Variants in NBL1 observed in about 807,000 individuals in gnomAD.
The protein encoded by NBL1 is NBL1, DAN family BMP antagonist.
In NBL1, 9 loss-of-function variants were observed where a neutral mutation model predicts 16.0. The observed-to-expected ratio is 0.56, with a 90% CI of 0.34 to 0.98. The LOEUF (loss-of-function observed/expected upper bound fraction) is 0.98. Ranked by LOEUF, NBL1 falls within the 50% of genes least tolerant of loss-of-function variation. The pLI is 0.02. For synonymous variants in NBL1, 86 were observed against 100.7 expected (o/e 0.85, Z 0.87); for missense variants, 196 against 243.1 (o/e 0.81, Z 1.29).
At position 19,657,131 on chromosome 1, in the gene NBL1, G is replaced by GC. The variant is rs562920305; in HGVS notation, c.*9dup. On this transcript the variant is annotated 3_prime_UTR_variant, in exon 4 of 4. Coordinates refer to ENST00000375136, the MANE Select transcript of NBL1 (RefSeq NM_005380.8). ...GAGGAAGAGGGGGCTGAGGACTGAGGCCCCCCCAACTCTTCCTCCCCTCTC... is the reference window on the plus strand; with the variant it reads ...GAGGAAGAGGGGGCTGAGGACTGAGGCCCCCCCCAACTCTTCCTCCCCTCTC... 75 of 1,370,340 alleles carry GC rather than the reference G, an allele frequency of 5.5e-5. No individual in the cohort carries two copies. The highest frequency in any genetic ancestry group is 2.3e-4 in the African/African-American group (16 of 68,840). 84.9% of individuals were successfully genotyped at this position (1,370,340 alleles called of 1,614,324 possible).
chr1:19,655,364 A>G lies in NBL1; in HGVS notation c.211A>G (p.Thr71Ala), dbSNP rs1283979163. The G allele has an allele frequency of 6.2e-7, 1 of 1,613,690 alleles. No homozygotes were observed. The highest frequency in any genetic ancestry group is 8.5e-7 in the Non-Finnish European group (1 of 1,179,964). The change falls in exon 3 of 4, where the codon ACC becomes GCC. Residue 71 changes from threonine to alanine, a missense_variant. Coordinates refer to ENST00000375136, the MANE Select transcript of NBL1 (RefSeq NM_005380.8). ...GTGCTTCAGCTACAGCGTCCCCAACACCTTCCCACAGTCCACAGAGTCCCT... is the reference window on the plus strand; with the variant it reads ...GTGCTTCAGCTACAGCGTCCCCAACGCCTTCCCACAGTCCACAGAGTCCCT... Reference protein sequence around the residue: ...GQCFSYSVPNTFPQSTESLVH... With the variant: ...GQCFSYSVPNAFPQSTESLVH...
chr1:19,656,862 G>T lies in NBL1; in HGVS notation c.283-4G>T. On this transcript the variant is annotated splice_region_variant and splice_polypyrimidine_tract_variant and intron_variant, in intron 3 of 3. Coordinates refer to ENST00000375136, the MANE Select transcript of NBL1 (RefSeq NM_005380.8). ...TGCCTCTGCTTCTCTCTTGCCCTCT[G>T]CAGGTGACGCTGGAGTGCCCGGGCC... The T allele has an allele frequency of 1.9e-6, 3 of 1,607,320 alleles. No homozygotes were observed. The highest frequency in any genetic ancestry group is 2.7e-5 in the African/African-American group (2 of 74,894).
intron 2 of NBL1, 38 bp from the exon 3 acceptor site, chr1:19,655,286 C>T: frequency 6.2e-7 from 1 of 1,613,082 alleles, no homozygotes; most frequent in South Asian, 1.1e-5. Flanking sequence ...CCTGCCTCCC[C>T]AACAGTGACA....
intron 3 of NBL1, 122 bp from the exon 4 acceptor site, chr1:19,656,744 A>AAC: frequency 7.1e-7 from 1 of 1,415,832 alleles, no homozygotes; most frequent in Non-Finnish European, 9.3e-7. Flanking sequence ...CCCCAGAGCT[A>AAC]ACTGGGCATC....
intron 1 of NBL1, among the ~76,000 whole-genome samples, chr1:19,648,925 G>A (rs1212840877): frequency 6.6e-6 from 1 of 152,166 alleles, no homozygotes; most frequent in African/African-American, 2.4e-5. Flanking sequence ...CGGTTGGCTA[G>A]GGAGTCAGGA....
In NBL1 at chr1:19,657,064, CAGA is replaced by C. The variant is rs1359168591; in HGVS notation, c.482_484del (p.Gln161_Thr162delinsPro). ...CCATCCCCACCCCCATCCTGGCGGG[CAGA>C]CCCCTGAGCCCGAGGACCCCCCTGG... On this transcript the variant is annotated inframe_deletion, in exon 4 of 4. Coordinates refer to ENST00000375136, the MANE Select transcript of NBL1 (RefSeq NM_005380.8). 97 of 1,453,660 alleles carry C rather than the reference CAGA, an allele frequency of 6.7e-5. No homozygotes were observed. Among genetic ancestry groups the C allele is most frequent in the Non-Finnish European group, 8.7e-5 (95 of 1,090,574 alleles). 90.0% of individuals were successfully genotyped at this position (1,453,660 alleles called of 1,614,324 possible).
chr1:19,644,555 G>GAAA lies in NBL1; in HGVS notation c.-20+109_-20+110insAAA. On this transcript the variant is annotated intron_variant, in intron 1 of 3. Coordinates refer to ENST00000375136, the MANE Select transcript of NBL1 (RefSeq NM_005380.8). This position sits in a 1 kb window ranked among gnomAD's most constrained non-coding sequence, Gnocchi z 4.6. ...GCTGCGTCCCCCGGCGCGTCCGGCG[G>GAAA]CCGCGGGCACCGGGTGGAGGCGCCG... 1.5e-6 allele frequency: 1 copy of GAAA among 654,278 alleles called. No individual in the cohort carries two copies. The highest frequency in any genetic ancestry group is 1.9e-6 in the Non-Finnish European group (1 of 528,862). 40.5% of individuals were successfully genotyped at this position (654,278 alleles called of 1,614,324 possible). A position where few individuals can be genotyped will look rare whatever the true frequency, so the allele number is the denominator to read the frequency against.
Position 19,655,050 on chromosome 1 carries a change from TG to T in NBL1, c.25del (p.Ala9LeufsTer52). 1 of 1,610,958 alleles carries T rather than the reference TG, an allele frequency of 6.2e-7. No individual in the cohort carries two copies. The highest frequency in any genetic ancestry group is 8.5e-7 in the Non-Finnish European group (1 of 1,179,418). MMLRVLVGAVLPAMLLA... is the reference protein window; with the variant it reads MMLRVLXGAVLPAMLLA... ...ACGGGCATGATGCTTCGGGTCCTGG[TG>T]GGGGCTGTCCTCCCTGCCATGCTAC... On this transcript the variant is annotated frameshift_variant, in exon 2 of 4. Coordinates refer to ENST00000375136, the MANE Select transcript of NBL1 (RefSeq NM_005380.8). LOFTEE classifies it high-confidence loss of function.
intron 1 of NBL1, among the ~76,000 whole-genome samples, chr1:19,652,458 C>A (rs867064195): frequency 8.2e-6 from 1 of 121,772 alleles, no homozygotes; most frequent in Non-Finnish European, 1.9e-5. Flanking sequence ...ATTTGGGAGG[C>A]GGCGGGGGGG....
At chr1:19,648,184 G>T (rs938904456) in intron 1 of NBL1, among the ~76,000 whole-genome samples, 3 of 152,168 alleles carry the variant, frequency 2.0e-5, no homozygotes, top group African/African-American at 7.2e-5. Flanking sequence ...CACGGTGGGC[G>T]GGAGTCAGGA....
intron 1 of NBL1, among the ~76,000 whole-genome samples, chr1:19,653,391 T>C (rs1051789297): frequency 2.0e-5 from 3 of 152,156 alleles, no homozygotes; most frequent in African/African-American, 7.2e-5. Context: ...CTCCTGGTGC[T>C]GGGCTTCTGT....
intron 1 of NBL1, among the ~76,000 whole-genome samples, chr1:19,652,330 G>A (rs536107521): frequency 2.0e-5 from 3 of 152,336 alleles, no homozygotes; most frequent in South Asian, 2.1e-4. Flanking sequence ...AATTCACTGG[G>A]TTGCCAGTTA....
chr1:19,650,929 G>C (rs1034085392), intron 1 of NBL1, among the ~76,000 whole-genome samples: 2 of 152,182 alleles, frequency 1.3e-5, no homozygotes, highest in Non-Finnish European at 2.9e-5. Context: ...CCGTGTGTGG[G>C]AGAGACTTCA....
At chr1:19,645,874 C>G (rs1032933067) in intron 1 of NBL1, 1 of 1,533,338 alleles carries the variant, frequency 6.5e-7, no homozygotes, top group Non-Finnish European at 8.8e-7. Context: ...TCCCCCCACC[C>G]ACAACCTCAA....
chr1:19,647,545 TG>T, intron 1 of NBL1: 1 of 929,238 alleles, frequency 1.1e-6, no homozygotes. Context: ...TTAGTGAGTG[TG>T]GGGGGAGAGG....
At chr1:19,652,011 A>G (rs12046364) in intron 1 of NBL1, among the ~76,000 whole-genome samples, 76,837 of 152,006 alleles carry the variant, frequency 0.51, 20,035 homozygotes, top group African/African-American at 0.6. Flanking sequence ...CCAAAGTGCT[A>G]GAATTACAGG....
At position 19,657,203 on chromosome 1, in the gene NBL1, A is replaced by T. The variant is rs1286266560; in HGVS notation, c.*74A>T. On this transcript the variant is annotated 3_prime_UTR_variant, in exon 4 of 4. Transcript: ENST00000375136. ...TCTCACTCTCTGGGGAAGTCAGGGGAGAAGCTGAAGCCCCCCTTTGGCACT... is the reference window on the plus strand; with the variant it reads ...TCTCACTCTCTGGGGAAGTCAGGGGTGAAGCTGAAGCCCCCCTTTGGCACT... 1.6e-5 allele frequency: 11 copies of T among 675,384 alleles called. No homozygotes were observed. Among genetic ancestry groups the T allele is most frequent in the Non-Finnish European group, 2.7e-5 (11 of 402,356 alleles). 41.8% of individuals were successfully genotyped at this position (675,384 alleles called of 1,614,324 possible).
At chr1:19,645,185 C>A (rs1258884883) in intron 1 of NBL1, among the ~76,000 whole-genome samples, 1 of 152,182 alleles carries the variant, frequency 6.6e-6, no homozygotes, top group Non-Finnish European at 1.5e-5. Flanking sequence ...AAACCCTCCC[C>A]CTGCCTCCCG....
rs905493427 is a variant in NBL1 at position 19,644,943 on chromosome 1, G to T, written c.-20+497G>T. Among the ~76,000 whole-genome samples, 16 of 152,236 alleles carry T rather than the reference G, an allele frequency of 1.1e-4. No individual in the cohort carries two copies. The highest frequency in any genetic ancestry group is 3.1e-4 in the African/African-American group (13 of 41,544). Reference sequence around the variant, plus strand: ...TCCGCCGCTCACTTTCCCCTGGTCTGCCCGTCTCTTTCCGTTCCCCGCCTG... The same window carrying T: ...TCCGCCGCTCACTTTCCCCTGGTCTTCCCGTCTCTTTCCGTTCCCCGCCTG... On this transcript the variant is annotated intron_variant, in intron 1 of 3. Transcript: ENST00000375136. The surrounding 1 kb of genome is among the most constrained non-coding windows in gnomAD (Gnocchi z 4.6).
Sources: allele counts gnomAD v4.1 joint callset (sites outside exome capture counted in the v4.1 genomes callset), GRCh38; gene constraint gnomAD v4.1.1; non-coding constraint Gnocchi (gnomAD v3.1); transcripts MANE v1.5; gene names NCBI Gene and HGNC (gene_info 2026-07-23, HGNC 2026-07-21).